The following TANGO6 variants were observed in gnomAD, a reference collection of about 807,000 sequenced individuals.
TANGO6 encodes the protein transport and Golgi organization protein 6 homolog.
In TANGO6, 90 loss-of-function variants were observed where a neutral mutation model predicts 114.2. The observed-to-expected ratio is 0.79, with a 90% confidence interval of 0.66 to 0.94. The LOEUF (loss-of-function observed/expected upper bound fraction) is 0.94, where lower values mean the gene tolerates loss of function less well. TANGO6 is among the 40% of genes least tolerant of loss of function. The pLI is 0.00. For missense variants in TANGO6, 1,274 were observed against 1,315.3 expected (o/e 0.97, Z 0.49); for synonymous variants, 477 against 509.8 (o/e 0.94, Z 0.87).
intron 17 of TANGO6, among the ~76,000 whole-genome samples, chr16:69,047,015 T>C (rs1567565420): frequency 6.7e-6 from 1 of 149,388 alleles, no homozygotes. Context: ...ACCCTGTCTT[T>C]ACTAAAAATA....
chr16:69,022,441 CTCCTGTAA>C (rs1467200213), intron 15 of TANGO6, among the ~76,000 whole-genome samples: 9 of 152,136 alleles, frequency 5.9e-5, no homozygotes, highest in Admixed American at 2.0e-4. Context: ...CGGTGACTCA[CTCCTGTAA>C]TCCCAGCACT....
chr16:68,982,520 G>A (rs1963846557), intron 15 of TANGO6, among the ~76,000 whole-genome samples: 1 of 151,994 alleles, frequency 6.6e-6, no homozygotes, highest in Non-Finnish European at 1.5e-5. Flanking sequence ...AGTAAAGACA[G>A]GGTTTCACCA....
At chr16:68,979,266 G>C (rs1046354560) in intron 15 of TANGO6, among the ~76,000 whole-genome samples, 7 of 151,696 alleles carry the variant, frequency 4.6e-5, no homozygotes, top group Non-Finnish European at 7.4e-5. Context: ...GTCTTGCTCT[G>C]TTATCCAGGC....
chr16:68,920,157 G>T (rs1027624124), intron 12 of TANGO6, among the ~76,000 whole-genome samples: 4 of 152,224 alleles, frequency 2.6e-5, no homozygotes, highest in Non-Finnish European at 5.9e-5. Flanking sequence ...CATGAAACTT[G>T]CAGTCCAGTA....
At chr16:69,045,787 C>T (rs546886722) in intron 17 of TANGO6, among the ~76,000 whole-genome samples, 6 of 150,192 alleles carry the variant, frequency 4.0e-5, no homozygotes, top group South Asian at 2.1e-4. Flanking sequence ...TAAATTAGGC[C>T]GGGCGTGGTG....
intron 14 of TANGO6, among the ~76,000 whole-genome samples, chr16:68,964,318 T>C (rs1417099280): frequency 2.0e-5 from 3 of 151,844 alleles, no homozygotes; most frequent in Admixed American, 1.3e-4. Flanking sequence ...ATTTTTAACT[T>C]ACTAAAAGAT....
Position 68,878,277 on chromosome 16 carries a change from G to A in TANGO6, c.1291G>A (p.Ala431Thr), listed in dbSNP as rs766796315. ...LAPLHRCLNT[A>T]ELSESDMVPG... ...TCCTCTTCATCGATGTTTGAATACA[G>A]CAGGTAAAGGAGGAAGTGTGGTGGC... Residue 431 changes from alanine to threonine, a missense_variant, in exon 6 of 18, where the codon GCA becomes ACA. Transcript: ENST00000261778. 6.3e-7 allele frequency: 1 copy of A among 1,595,370 alleles called. No individual in the cohort carries two copies.
intron 10 of TANGO6, among the ~76,000 whole-genome samples, chr16:68,908,186 G>T (rs1962877520): frequency 6.6e-6 from 1 of 152,144 alleles, no homozygotes; most frequent in Non-Finnish European, 1.5e-5. Context: ...TAAGTAAAGT[G>T]TCTACTCTAA....
intron 17 of TANGO6, among the ~76,000 whole-genome samples, chr16:69,073,572 G>A (rs556023358): frequency 1.4e-4 from 21 of 152,316 alleles, no homozygotes; most frequent in Admixed American, 6.5e-4. Context: ...AGGCAATAGC[G>A]GTGGAGAGTC....
In TANGO6 at chr16:68,860,013, A is replaced by G. The variant is rs1207299088; in HGVS notation, c.224A>G (p.Asp75Gly). 1.2e-6 allele frequency: 2 copies of G among 1,613,998 alleles called. No individual in the cohort carries two copies. Among genetic ancestry groups the G allele is most frequent in the Admixed American group, 1.7e-5 (1 of 60,010 alleles). Residue 75 changes from aspartate to glycine, a missense_variant, in exon 2 of 18, where the codon GAT (aspartate) becomes GGT (glycine). Transcript: ENST00000261778. ...TGGAAGAATCTGAAACTCCTAAGAG[A>G]TGAAATTGCTGATAAGGCAGAATGG... Reference protein sequence around the residue: ...PQWKNLKLLRDEIADKAEWPQ... With the variant: ...PQWKNLKLLRGEIADKAEWPQ...
At chr16:68,998,598 G>T (rs902417867) in intron 15 of TANGO6, among the ~76,000 whole-genome samples, 2 of 151,976 alleles carry the variant, frequency 1.3e-5, no homozygotes, top group African/African-American at 4.8e-5. Context: ...AGATGTGGTG[G>T]TGGACAACTG....
intron 3 of TANGO6, among the ~76,000 whole-genome samples, chr16:68,865,096 T>C (rs953025264): frequency 2.0e-5 from 3 of 151,138 alleles, no homozygotes; most frequent in East Asian, 1.9e-4. Flanking sequence ...GCCAAGATGG[T>C]GAAACCCTGT....
At chr16:68,969,223 G>A (rs1384876042) in intron 14 of TANGO6, among the ~76,000 whole-genome samples, 1 of 152,102 alleles carries the variant, frequency 6.6e-6, no homozygotes, top group African/African-American at 2.4e-5. Context: ...ATCTTGTGCT[G>A]ACCCAGAAAT....
chr16:69,024,301 C>T (rs1479326178), intron 16 of TANGO6, among the ~76,000 whole-genome samples: 1 of 150,164 alleles, frequency 6.7e-6, no homozygotes, highest in African/African-American at 2.5e-5. Context: ...GAGTCTCGCT[C>T]TGTAGCCCAG....
chr16:69,053,023 G>A (rs1056982450), intron 17 of TANGO6, among the ~76,000 whole-genome samples: 4 of 152,060 alleles, frequency 2.6e-5, no homozygotes, highest in East Asian at 1.9e-4. Context: ...CAGGAGAATC[G>A]CTTGAATTCG....
intron 15 of TANGO6, among the ~76,000 whole-genome samples, chr16:69,015,498 T>TTATTTATTTATTTATG: frequency 6.6e-6 from 1 of 151,848 alleles, no homozygotes; most frequent in Non-Finnish European, 1.5e-5. Flanking sequence ...ATTTATTTAT[T>TTATTTATTTATTTATG]TTAAACAGAG....
chr16:68,971,716 CTT>C (rs1963706674), intron 14 of TANGO6, among the ~76,000 whole-genome samples: 1 of 151,566 alleles, frequency 6.6e-6, no homozygotes, highest in African/African-American at 2.4e-5. Flanking sequence ...ACTGCAGCCT[CTT>C]CCTCTGGGGT....
At chr16:68,940,818 T>C (rs1007542308) in intron 14 of TANGO6, among the ~76,000 whole-genome samples, 1 of 152,176 alleles carries the variant, frequency 6.6e-6, no homozygotes, top group African/African-American at 2.4e-5. Context: ...TAATAACAGG[T>C]ATATTATAGC....
chr16:68,916,683 C>T (rs1238876139), intron 11 of TANGO6, among the ~76,000 whole-genome samples: 1 of 152,092 alleles, frequency 6.6e-6, no homozygotes, highest in Non-Finnish European at 1.5e-5. Context: ...AGGAGGAAAC[C>T]TCCTTTTGAG....
Sources: allele counts gnomAD v4.1 joint callset (sites outside exome capture counted in the v4.1 genomes callset), GRCh38; gene constraint gnomAD v4.1.1; transcripts MANE v1.5; gene names NCBI Gene and HGNC (gene_info 2026-07-23, HGNC 2026-07-21).